The following PDE6C variants were observed in gnomAD, a reference collection of about 807,000 sequenced individuals.
PDE6C encodes the protein phosphodiesterase 6C.
In PDE6C, 75 loss-of-function variants were observed where a neutral mutation model predicts 113.1. The ratio of observed to expected loss-of-function variants is 0.66; its 90% confidence interval spans 0.55 to 0.80. The LOEUF (loss-of-function observed/expected upper bound fraction) is 0.80. PDE6C is among the 30% of genes least tolerant of loss of function. The probability of loss-of-function intolerance (pLI) is 0.00; values close to 1 mark genes in which losing one functional copy is unlikely to be tolerated. For missense variants in PDE6C, 912 were observed against 1,038.6 expected, an observed-to-expected ratio of 0.88 and a Z score of 1.67; for synonymous variants, 375 against 363.7, an observed-to-expected ratio of 1.03 and a Z score of -0.35.
At chr10:93,637,121 ATATAT>A (rs2058537355) in intron 11 of PDE6C, 58 bp downstream of exon 11, 1 of 837,292 alleles carries the variant, frequency 1.2e-6, no homozygotes, top group Admixed American at 1.8e-5. Context: ...TAAATCAATA[ATATAT>A]TAGGACATGC....
At chr10:93,634,735 T>G (rs1362857467) in intron 8 of PDE6C, 23 bp from the exon 9 acceptor site, 1 of 1,613,814 alleles carries the variant, frequency 6.2e-7, no homozygotes, top group Non-Finnish European at 8.5e-7. Context: ...AAAAAATAAC[T>G]TGAGGTCCCT....
Position 93,646,770 on chromosome 10 carries a change from G to A in PDE6C, c.1935+723G>A, listed in dbSNP as rs151252880. The stretch of plus-strand genomic sequence containing the variant: ...AAACCATTCATAAGAAACACTGCTC[G>A]CAAAATCCAATCACCTCCCACCAGG... On this transcript the variant is annotated intron_variant, in intron 15 of 21. Coordinates refer to ENST00000371447, the MANE Select transcript of PDE6C (RefSeq NM_006204.4). Among the ~76,000 whole-genome samples the A allele has an allele frequency of 2.3e-3, 352 of 152,252 alleles. 2 individuals carry two copies. The highest frequency in any genetic ancestry group is 7.7e-3 in the African/African-American group (322 of 41,558).
In PDE6C at chr10:93,636,717, T is replaced by A. The variant is rs531473176; in HGVS notation, c.1414-278T>A. Among the ~76,000 whole-genome samples the A allele has an allele frequency of 3.9e-5, 6 of 152,288 alleles. No individual in the cohort carries two copies. The South Asian group carries it at 1.2e-3, about 32-fold the overall frequency. On this transcript the variant is annotated intron_variant, in intron 10 of 21. Transcript: ENST00000371447. ...TAATCAGGTGCTATAGGTCTTTGTA[T>A]CCATGACAAAGAATGCATCTTTGCC...
At chr10:93,649,283 C>G (rs1185259573) in intron 15 of PDE6C, among the ~76,000 whole-genome samples, 1 of 152,016 alleles carries the variant, frequency 6.6e-6, no homozygotes, top group African/African-American at 2.4e-5. Flanking sequence ...ACACAATGCT[C>G]GAAAACAAAT....
At chr10:93,665,115 C>T (rs562239824) in intron 21 of PDE6C, among the ~76,000 whole-genome samples, 255 of 152,294 alleles carry the variant, frequency 1.7e-3, no homozygotes, top group Non-Finnish European at 2.5e-3. Context: ...GGGATCCACC[C>T]GCCTCAGCCT....
Position 93,655,820 on chromosome 10 carries a change from G to A in PDE6C, c.1996G>A (p.Glu666Lys), listed in dbSNP as rs542292048. The A allele has an allele frequency of 4.4e-6, 7 of 1,608,756 alleles. No homozygotes were observed. The highest frequency in any genetic ancestry group is 2.2e-5 in the South Asian group (2 of 90,968). The change falls in exon 16 of 22, where the codon GAG becomes AAG. Residue 666 changes from glutamate to lysine, a missense_variant. Glu to Lys is a moderately conservative substitution (Grantham distance 56). Coordinates refer to ENST00000371447, the MANE Select transcript of PDE6C (RefSeq NM_006204.4). ...RQFETVIHLF[E>K]VAIIATDLAL... ...GTTTGAAACAGTTATTCATTTGTTCGAGGTCGCAATAATAGCAACTGACCT... is the reference window on the plus strand; with the variant it reads ...GTTTGAAACAGTTATTCATTTGTTCAAGGTCGCAATAATAGCAACTGACCT...
At chr10:93,639,516 T>C (rs1180516027) in intron 11 of PDE6C, among the ~76,000 whole-genome samples, 1 of 152,176 alleles carries the variant, frequency 6.6e-6, no homozygotes, top group African/African-American at 2.4e-5. Flanking sequence ...ATCCATCCAC[T>C]CATTCATTCA....
At chr10:93,629,216 C>T in intron 7 of PDE6C, 42 bp from the exon 8 acceptor site, 1 of 1,512,234 alleles carries the variant, frequency 6.6e-7, no homozygotes. Context: ...GAGGGCTCCA[C>T]TACACAATAT....
chr10:93,625,495 A>G, intron 4 of PDE6C, 80 bp from the exon 5 acceptor site: 7 of 972,426 alleles, frequency 7.2e-6, no homozygotes. Context: ...CATAAAATAT[A>G]CAAACACATA....
intron 14 of PDE6C, among the ~76,000 whole-genome samples, chr10:93,642,101 C>CAA (rs1564801657): frequency 6.6e-6 from 1 of 152,166 alleles, no homozygotes; most frequent in Non-Finnish European, 1.5e-5. Context: ...TGCGGTGGCT[C>CAA]ACGCCTATAA....
At chr10:93,628,103 C>T (rs2058482633) in intron 7 of PDE6C, among the ~76,000 whole-genome samples, 1 of 152,196 alleles carries the variant, frequency 6.6e-6, no homozygotes, top group East Asian at 1.9e-4. Flanking sequence ...AAATTGGCAA[C>T]TGATACAAGC....
chr10:93,643,696 A>T (rs1000944516), intron 14 of PDE6C, among the ~76,000 whole-genome samples: 2 of 110,848 alleles, frequency 1.8e-5, no homozygotes, highest in African/African-American at 5.6e-5. Context: ...TGGCCAACTA[A>T]TTCTTTTTTT....
chr10:93,656,529 C>A (rs890850263), intron 16 of PDE6C, among the ~76,000 whole-genome samples: 1 of 151,810 alleles, frequency 6.6e-6, no homozygotes, highest in African/African-American at 2.4e-5. Context: ...TCAAATTATG[C>A]CTTTCTGATC....
At chr10:93,649,742 T>G (rs537579065) in intron 15 of PDE6C, among the ~76,000 whole-genome samples, 8 of 152,152 alleles carry the variant, frequency 5.3e-5, no homozygotes, top group African/African-American at 1.9e-4. Context: ...GTAGCTAGGA[T>G]TATAGGCATG....
rs1189401723 is a variant in PDE6C, at chr10:93,650,458, G to A, written c.1935+4411G>A. ...AAATGCATTCTTGCTGTGTTGCTTAGGCTGGTCTTGAACTCCTGAGCTGAA... is the reference window on the plus strand; with the variant it reads ...AAATGCATTCTTGCTGTGTTGCTTAAGCTGGTCTTGAACTCCTGAGCTGAA... On this transcript the variant is annotated intron_variant, in intron 15 of 21. Coordinates refer to ENST00000371447, the MANE Select transcript of PDE6C (RefSeq NM_006204.4). 2.0e-5 allele frequency among the ~76,000 whole-genome samples: 3 copies of A among 152,154 alleles called. No individual in the cohort carries two copies. The East Asian group carries it at 5.8e-4, about 29-fold the overall frequency.
chr10:93,619,435 CT>C (rs1280164546), intron 1 of PDE6C, among the ~76,000 whole-genome samples: 6 of 151,876 alleles, frequency 4.0e-5, no homozygotes, highest in African/African-American at 7.3e-5. Context: ...TTTTCTTTTT[CT>C]TTTTTTTGAG....
At chr10:93,662,930 G>C (rs1429423937) in intron 20 of PDE6C, 98 bp from the exon 21 acceptor site, 2 of 1,069,918 alleles carry the variant, frequency 1.9e-6, no homozygotes, top group African/African-American at 1.6e-5. Context: ...GCAGCTCTGA[G>C]TGCTGTAACA....
chr10:93,654,788 TTCTTTCTTTC>T (rs1304329945), intron 15 of PDE6C, among the ~76,000 whole-genome samples: 35 of 101,346 alleles, frequency 3.5e-4, no homozygotes, highest in African/African-American at 1.0e-3. Context: ...CTTTCTTTCT[TTCTTTCTTTC>T]TTTCTTTCTT....
At chr10:93,615,090 G>C (rs922851244) in intron 1 of PDE6C, among the ~76,000 whole-genome samples, 3 of 152,244 alleles carry the variant, frequency 2.0e-5, no homozygotes, top group South Asian at 4.1e-4. Flanking sequence ...CCAGGAGTTC[G>C]AGACCAGGCT....
Sources: allele counts gnomAD v4.1 joint callset (sites outside exome capture counted in the v4.1 genomes callset), GRCh38; gene constraint gnomAD v4.1.1; transcripts MANE v1.5; gene names NCBI Gene and HGNC (gene_info 2026-07-23, HGNC 2026-07-21).